The following TNNI3K variants were observed in gnomAD, a reference collection of about 807,000 sequenced individuals.
The protein encoded by TNNI3K is serine/threonine-protein kinase TNNI3K.
TNNI3K carries 140 observed loss-of-function variants against 114.5 expected under a neutral mutation model. That is an observed-to-expected ratio of 1.22 (90% CI 1.07 to 1.41). The LOEUF is 1.41. Ranked by LOEUF, TNNI3K falls within the 40% of genes most tolerant of loss-of-function variation. The pLI is 0.00. For synonymous variants in TNNI3K, 347 were observed against 347.5 expected (o/e 1.00, Z 0.02); for missense variants, 1,125 against 1,007.6 (o/e 1.12, Z -1.58).
intron 2 of TNNI3K, among the ~76,000 whole-genome samples, chr1:74,248,638 T>TA (rs1343005420): frequency 6.6e-6 from 1 of 152,202 alleles, no homozygotes; most frequent in Non-Finnish European, 1.5e-5. Context: ...TGTTGAGGCT[T>TA]AGAAAATTAC....
intron 5 of TNNI3K, among the ~76,000 whole-genome samples, chr1:74,292,023 A>G (rs966812226): frequency 4.6e-5 from 7 of 151,526 alleles, no homozygotes; most frequent in African/African-American, 1.7e-4. Flanking sequence ...GTCATGCAAC[A>G]TCCTATATAA....
chr1:74,406,967 C>T (rs1234044045), intron 17 of TNNI3K, among the ~76,000 whole-genome samples: 1 of 152,152 alleles, frequency 6.6e-6, no homozygotes, highest in African/African-American at 2.4e-5. Flanking sequence ...CTCCATTTGT[C>T]AAAGTTAGTG....
intron 23 of TNNI3K, among the ~76,000 whole-genome samples, chr1:74,520,442 G>A (rs1399239454): frequency 6.6e-6 from 1 of 151,812 alleles, no homozygotes; most frequent in Non-Finnish European, 1.5e-5. Context: ...TCTTCTCCTT[G>A]GATGGAGAAA....
chr1:74,531,552 A>G (rs933914722), intron 23 of TNNI3K, among the ~76,000 whole-genome samples: 1 of 152,166 alleles, frequency 6.6e-6, no homozygotes, highest in East Asian at 1.9e-4. Context: ...TTTTAAATAG[A>G]TCTGTTTTCA....
intron 24 of TNNI3K, among the ~76,000 whole-genome samples, chr1:74,540,953 C>G (rs754744972): frequency 2.0e-5 from 3 of 152,116 alleles, no homozygotes; most frequent in Admixed American, 6.6e-5. Flanking sequence ...AGAGGATGGA[C>G]AATTGCCTTT....
chr1:74,291,415 A>G (rs1249942139), intron 5 of TNNI3K, among the ~76,000 whole-genome samples: 1 of 151,592 alleles, frequency 6.6e-6, no homozygotes, highest in African/African-American at 2.4e-5. Context: ...GCCACATAAT[A>G]TATGTTTACA....
chr1:74,354,267 G>A lies in TNNI3K; in HGVS notation c.1177+138G>A, dbSNP rs189254926. On this transcript the variant is annotated intron_variant, in intron 11 of 24. Coordinates refer to ENST00000326637, the MANE Select transcript of TNNI3K (RefSeq NM_015978.3). ...TGTAGATTTTACTTGAGTTTCTGGG[G>A]CCTTGGATCAAAGAGTCCAATACAC... The A allele has an allele frequency of 3.0e-5, 43 of 1,419,016 alleles. 1 individual carries two copies. In the African/African-American group the frequency reaches 6.0e-4, roughly 20 times the overall value. 87.9% of individuals were successfully genotyped at this position (1,419,016 alleles called of 1,614,324 possible).
intron 17 of TNNI3K, among the ~76,000 whole-genome samples, chr1:74,401,586 A>G (rs1325014001): frequency 6.6e-6 from 1 of 152,240 alleles, no homozygotes; most frequent in African/African-American, 2.4e-5. Context: ...AATGAGCTAC[A>G]GAGGGAAGTA....
intron 11 of TNNI3K, among the ~76,000 whole-genome samples, chr1:74,365,140 G>A (rs1662202787): frequency 6.6e-6 from 1 of 152,086 alleles, no homozygotes; most frequent in Non-Finnish European, 1.5e-5. Context: ...TGTTAGAACT[G>A]TAAGGCATAT....
chr1:74,266,764 A>T (rs1195304976), intron 4 of TNNI3K, among the ~76,000 whole-genome samples: 2 of 151,992 alleles, frequency 1.3e-5, no homozygotes, highest in African/African-American at 4.8e-5. Context: ...GCTAACAATA[A>T]GGCAGGATAT....
At chr1:74,403,563 A>T (rs977066808) in intron 17 of TNNI3K, among the ~76,000 whole-genome samples, 1 of 152,198 alleles carries the variant, frequency 6.6e-6, no homozygotes, top group Admixed American at 6.6e-5. Flanking sequence ...ATTCAAACCC[A>T]TAACAAGTAA....
intron 4 of TNNI3K, among the ~76,000 whole-genome samples, chr1:74,269,438 C>T (rs1203589055): frequency 6.6e-6 from 1 of 151,748 alleles, no homozygotes; most frequent in Non-Finnish European, 1.5e-5. Context: ...AATGCATAAT[C>T]AAAACTGGGT....
intron 21 of TNNI3K, chr1:74,475,408 T>C (rs1305059905): frequency 1.4e-6 from 1 of 717,048 alleles, no homozygotes; most frequent in African/African-American, 1.7e-5. Flanking sequence ...GCCTGCTTCA[T>C]TAAAAGCTCT....
chr1:74,311,822 A>T (rs1230915020), intron 5 of TNNI3K, among the ~76,000 whole-genome samples: 1 of 152,236 alleles, frequency 6.6e-6, no homozygotes, highest in Non-Finnish European at 1.5e-5. Flanking sequence ...GGTATTTGAT[A>T]AAAGATTATT....
chr1:74,376,055 AT>A (rs1195479362), intron 17 of TNNI3K, among the ~76,000 whole-genome samples: 1 of 152,012 alleles, frequency 6.6e-6, no homozygotes, highest in Non-Finnish European at 1.5e-5. Flanking sequence ...TAATTTTAAA[AT>A]AGCCAACTTT....
intron 4 of TNNI3K, among the ~76,000 whole-genome samples, chr1:74,252,630 T>G (rs1398478170): frequency 6.6e-6 from 1 of 152,122 alleles, no homozygotes; most frequent in East Asian, 1.9e-4. Context: ...GTTTCTTCTT[T>G]CTGGTGGGTT....
At chr1:74,488,319 A>G (rs560050656) in intron 21 of TNNI3K, among the ~76,000 whole-genome samples, 1 of 152,246 alleles carries the variant, frequency 6.6e-6, no homozygotes, top group Admixed American at 6.5e-5. Context: ...GAGAGGAAAC[A>G]GCTTATAAGG....
At chr1:74,377,065 G>A (rs184960537) in intron 17 of TNNI3K, 143 of 152,068 alleles carry the variant, frequency 9.4e-4, no homozygotes, top group African/African-American at 3.3e-3. Flanking sequence ...ATCATATTTG[G>A]AGAGAGAGCA....
chr1:74,463,283 C>A (rs961155057), intron 20 of TNNI3K, among the ~76,000 whole-genome samples, 158 bp from the exon 21 acceptor site: 1 of 152,206 alleles, frequency 6.6e-6, no homozygotes, highest in Non-Finnish European at 1.5e-5. Context: ...CCATCACTTT[C>A]TTTAGACCAT....
Sources: gnomAD v4.1 joint callset for allele counts (sites outside exome capture counted in the v4.1 genomes callset) on GRCh38, gnomAD v4.1.1 for gene constraint, MANE v1.5 for transcripts, NCBI Gene and HGNC (gene_info 2026-07-23, HGNC 2026-07-21) for gene names.